The following EXOC6B variants were observed in gnomAD, a reference collection of about 807,000 sequenced individuals.
EXOC6B encodes the protein exocyst complex component 6B.
Under a neutral mutation model 113.5 loss-of-function variants are expected in EXOC6B, and 54 were observed. The observed-to-expected ratio is 0.48, with a 90% CI of 0.38 to 0.60. The LOEUF (loss-of-function observed/expected upper bound fraction) is 0.60, where lower values mean the gene tolerates loss of function less well. Among genes scored for constraint, EXOC6B ranks in the 20% least tolerant of loss-of-function variants. The pLI, the probability that EXOC6B is intolerant of heterozygous loss-of-function variation, is 0.00. For synonymous variants in EXOC6B, 357 were observed against 339.0 expected, an observed-to-expected ratio of 1.05 and a Z score of -0.58; for missense variants, 797 against 977.5, an observed-to-expected ratio of 0.82 and a Z score of 2.46.
chr2:72,755,412 G>T (rs1381440392), intron 1 of EXOC6B, among the ~76,000 whole-genome samples: 1 of 152,014 alleles, frequency 6.6e-6, no homozygotes, highest in Non-Finnish European at 1.5e-5. Context: ...TGAGTTCCTT[G>T]AGAGTTTACA....
At chr2:72,518,032 T>G (rs1211005035) in intron 8 of EXOC6B, among the ~76,000 whole-genome samples, 1 of 152,150 alleles carries the variant, frequency 6.6e-6, no homozygotes, top group East Asian at 1.9e-4. Flanking sequence ...CTATTCCCTC[T>G]GCCAATTTTG....
intron 6 of EXOC6B, 27 bp downstream of exon 6, chr2:72,718,076 C>T (rs1327408071): frequency 1.3e-6 from 2 of 1,563,130 alleles, no homozygotes; most frequent in East Asian, 4.5e-5. Flanking sequence ...AAGCCACTGG[C>T]CAACCTATCA....
At chr2:72,786,627 C>A (rs1354210965) in intron 1 of EXOC6B, among the ~76,000 whole-genome samples, 1 of 152,090 alleles carries the variant, frequency 6.6e-6, no homozygotes, top group Admixed American at 6.6e-5. Flanking sequence ...CTATAAAGAG[C>A]CTATATGGTA....
At chr2:72,263,802 A>G (rs541362670) in intron 20 of EXOC6B, among the ~76,000 whole-genome samples, 184 of 152,286 alleles carry the variant, frequency 1.2e-3, no homozygotes, top group Non-Finnish European at 2.2e-3. Flanking sequence ...CTTTATCCAC[A>G]CAGCAGAATA....
chr2:72,414,841 T>C (rs1346285323), intron 18 of EXOC6B, among the ~76,000 whole-genome samples: 1 of 152,228 alleles, frequency 6.6e-6, no homozygotes, highest in Admixed American at 6.5e-5. Flanking sequence ...ACAGGATCAA[T>C]GGTCAGATAA....
intron 6 of EXOC6B, among the ~76,000 whole-genome samples, chr2:72,583,679 C>A (rs775796107): frequency 6.6e-6 from 1 of 152,016 alleles, no homozygotes; most frequent in Non-Finnish European, 1.5e-5. Context: ...TACCACTAGG[C>A]CTACCTTAAA....
intron 6 of EXOC6B, among the ~76,000 whole-genome samples, chr2:72,626,392 C>A (rs1026668848): frequency 2.0e-5 from 3 of 151,990 alleles, no homozygotes; most frequent in Non-Finnish European, 2.9e-5. Flanking sequence ...TATGATTTAG[C>A]CTCATCCAAA....
chr2:72,230,250 A>G (rs1487748065), intron 20 of EXOC6B, among the ~76,000 whole-genome samples: 1 of 152,178 alleles, frequency 6.6e-6, no homozygotes, highest in Non-Finnish European at 1.5e-5. Context: ...ACTTATTAGC[A>G]TGCTGTGGAA....
intron 6 of EXOC6B, among the ~76,000 whole-genome samples, chr2:72,716,850 T>A (rs1031115850): frequency 6.6e-6 from 1 of 152,148 alleles, no homozygotes; most frequent in Middle Eastern, 3.2e-3. Context: ...AGCAGAGGCC[T>A]AGAAAAAGCA....
chr2:72,355,508 A>G (rs1172305830), intron 19 of EXOC6B, among the ~76,000 whole-genome samples: 2 of 152,238 alleles, frequency 1.3e-5, no homozygotes, highest in African/African-American at 4.8e-5. Context: ...TTCATTAGCC[A>G]TGGAACTTTT....
At chr2:72,541,589 G>A (rs746790521) in intron 8 of EXOC6B, among the ~76,000 whole-genome samples, 36 of 152,278 alleles carry the variant, frequency 2.4e-4, no homozygotes, top group Non-Finnish European at 4.4e-4. Context: ...TTATGGAAAT[G>A]TACAGGTTTT....
intron 18 of EXOC6B, among the ~76,000 whole-genome samples, chr2:72,426,110 C>A (rs1320801166): frequency 2.0e-5 from 3 of 152,138 alleles, no homozygotes; most frequent in African/African-American, 7.2e-5. Context: ...TACCTCACTA[C>A]ATTTTGTGTG....
At chr2:72,539,305 G>C (rs1313851339) in intron 8 of EXOC6B, among the ~76,000 whole-genome samples, 2 of 152,200 alleles carry the variant, frequency 1.3e-5, no homozygotes, top group African/African-American at 2.4e-5. Context: ...GTTGAGAAGA[G>C]AGAACTCAAT....
chr2:72,747,893 C>A (rs1398393201), intron 1 of EXOC6B, among the ~76,000 whole-genome samples: 1 of 152,034 alleles, frequency 6.6e-6, no homozygotes. Flanking sequence ...TAAACTATAT[C>A]TGATTGTCCA....
intron 1 of EXOC6B, among the ~76,000 whole-genome samples, chr2:72,766,263 T>C (rs1683055160): frequency 6.6e-6 from 1 of 152,198 alleles, no homozygotes; most frequent in Non-Finnish European, 1.5e-5. Flanking sequence ...GATTAAATAT[T>C]GCCATACCAT....
intron 20 of EXOC6B, among the ~76,000 whole-genome samples, chr2:72,220,482 C>T (rs1680800619): frequency 6.6e-6 from 1 of 152,134 alleles, no homozygotes; most frequent in Admixed American, 6.5e-5. Context: ...CTCTGACCTC[C>T]AAGAAAACAT....
chr2:72,411,131 A>G (rs1278727312), intron 18 of EXOC6B, among the ~76,000 whole-genome samples: 2 of 152,074 alleles, frequency 1.3e-5, no homozygotes, highest in Non-Finnish European at 2.9e-5. Flanking sequence ...GGGTCTCTTG[A>G]GCTCGAAGAG....
At chr2:72,439,164 G>A (rs1012103488) in intron 18 of EXOC6B, among the ~76,000 whole-genome samples, 157 of 152,228 alleles carry the variant, frequency 1.0e-3, no homozygotes, top group African/African-American at 3.7e-3. Flanking sequence ...AAGCAACATA[G>A]AACAGTTAGT....
chr2:72,300,796 C>A (rs1260482608), intron 20 of EXOC6B, among the ~76,000 whole-genome samples: 1 of 152,088 alleles, frequency 6.6e-6, no homozygotes, highest in Non-Finnish European at 1.5e-5. Flanking sequence ...TCCCCCGACC[C>A]CTTGCACTTC....
Sources: gnomAD v4.1 joint callset for allele counts (sites outside exome capture counted in the v4.1 genomes callset) on GRCh38, gnomAD v4.1.1 for gene constraint, MANE v1.5 for transcripts, NCBI Gene and HGNC (gene_info 2026-07-23, HGNC 2026-07-21) for gene names.